The following MYH9 variants were observed in gnomAD, a reference collection of about 807,000 sequenced individuals.
The protein encoded by MYH9 is myosin-9.
Under a neutral mutation model 241.9 loss-of-function variants are expected in MYH9, and 29 were observed. The observed-to-expected ratio is 0.12, with a 90% confidence interval of 0.09 to 0.16. The LOEUF (loss-of-function observed/expected upper bound fraction) is 0.16. Among genes scored for constraint, MYH9 ranks in the 10% least tolerant of loss-of-function variants. MYH9 has a pLI of 1.00. For synonymous variants in MYH9, 1,047 were observed against 1,062.6 expected (o/e 0.99, Z 0.29); for missense variants, 1,803 against 2,595.5 (o/e 0.69, Z 6.63).
chr22:36,301,487 C>A (rs746402018), intron 21 of MYH9, 47 bp downstream of exon 21: 76 of 1,609,498 alleles, frequency 4.7e-5, no homozygotes, highest in African/African-American at 1.3e-5. Flanking sequence ...CAGGTGGCAG[C>A]ACCAGGCAGG....
chr22:36,314,181 G>A lies in MYH9; in HGVS notation c.1518C>T (p.Leu506=), dbSNP rs745614690. ...GIEWNFIDFG[L]DLQPCIDLIE... is the part of the protein sequence containing the mutation. ...TGAGGTCGATGCAGGGCTGCAGGTC[G>A]AGGCCAAAGTCGATGAAGTTCCACT... is the stretch of plus-strand genomic sequence containing the variant. Residue 506 remains leucine, a synonymous_variant, in exon 13 of 41, where the codon CTC becomes CTT. Coordinates refer to ENST00000216181, the MANE Select transcript of MYH9 (RefSeq NM_002473.6). 12 of 1,614,138 alleles carry A rather than the reference G, an allele frequency of 7.4e-6. No individual in the cohort carries two copies. Among genetic ancestry groups the A allele is most frequent in the South Asian group, 4.4e-5 (4 of 91,092 alleles).
At chr22:36,321,986 C>T (rs545118096) in intron 6 of MYH9, 165 bp from the exon 7 acceptor site, 227 of 694,918 alleles carry the variant, frequency 3.3e-4, no homozygotes, top group Non-Finnish European at 5.4e-4. Context: ...CCTACGCCCA[C>T]ACCACACGGG....
chr22:36,369,505 G>C (rs774214706), intron 1 of MYH9, among the ~76,000 whole-genome samples: 1 of 152,132 alleles, frequency 6.6e-6, no homozygotes, highest in Non-Finnish European at 1.5e-5. Context: ...CCATTCTTCA[G>C]AGGGAGGACA....
chr22:36,294,967 C>G lies in MYH9; in HGVS notation c.3595G>C (p.Glu1199Gln). The G allele has an allele frequency of 6.2e-7, 1 of 1,614,138 alleles. No homozygotes were observed. Among genetic ancestry groups the G allele is most frequent in the Non-Finnish European group, 8.5e-7 (1 of 1,180,038 alleles). Residue 1199 changes from glutamate to glutamine, a missense_variant, in exon 27 of 41, where the codon GAG becomes CAG. Around this residue, in one of 11 missense-constraint regions of MYH9, gnomAD observed 876 missense variants for 1,077.8 expected, o/e 0.81. Transcript: ENST00000216181. ...EMRQKHSQAV[E>Q]ELAEQLEQTK... ...TGCTCCAGCTGCTCCGCCAGCTCCT[C>G]CACGGCCTGTGAGTGCTTCTGCCTC...
chr22:36,326,979 G>C (rs972552802), intron 4 of MYH9, among the ~76,000 whole-genome samples: 4 of 152,210 alleles, frequency 2.6e-5, no homozygotes, highest in African/African-American at 9.6e-5. Context: ...AAAGGCACTT[G>C]TACATGTTCC....
chr22:36,327,475 T>C lies in MYH9; in HGVS notation c.504A>G (p.Gln168=), dbSNP rs760974197. Residue 168 remains glutamine, a synonymous_variant, in exon 4 of 41, where the codon CAA becomes CAG. Transcript: ENST00000216181. The part of the protein sequence containing the change: ...YRSMMQDRED[Q]SILCTGESGA... ...GAAATACTTACGTGCACAAGATGGA[T>C]TGATCTTCTCGGTCTGAAACAAAGA... 2.1e-5 allele frequency: 34 copies of C among 1,613,936 alleles called. 1 individual carries two copies. In the Admixed American group the frequency reaches 4.3e-4, roughly 21 times the overall value.
In MYH9 at chr22:36,293,941, A is replaced by C. The variant is rs2016747588; in HGVS notation, c.3838-78T>G. On this transcript the variant is annotated intron_variant, in intron 28 of 40. Coordinates refer to ENST00000216181, the MANE Select transcript of MYH9 (RefSeq NM_002473.6). The surrounding 1 kb of genome is among the most constrained non-coding windows in gnomAD (Gnocchi z 5.1). ...GCCCCACCTCATCTCCTTTAGGTAA[A>C]GCTGGACCTGAGTCACAAGCTGAAC... The C allele has an allele frequency of 1.4e-6, 2 of 1,479,032 alleles. No homozygotes were observed. The highest frequency in any genetic ancestry group is 1.9e-6 in the Non-Finnish European group (2 of 1,075,698). The allele number at this position is 1,479,032 out of a possible 1,614,324, so 91.6% of individuals were successfully genotyped here.
intron 27 of MYH9, among the ~76,000 whole-genome samples, chr22:36,294,569 G>A (rs1435373109): frequency 2.0e-5 from 3 of 152,196 alleles, no homozygotes; most frequent in African/African-American, 7.2e-5. Flanking sequence ...TCTGCCCTGG[G>A]TAGAGGCCAG....
rs187030014 is a variant in MYH9 at position 36,332,791 on chromosome 22, C to T, written c.491-5303G>A. On this transcript the variant is annotated intron_variant, in intron 3 of 40. Transcript: ENST00000216181. ...GCATTAGGAAAACACAGGTAAGTTC[C>T]CAGCACACAGGCAAATCTGCCAGAA... Among the ~76,000 whole-genome samples the T allele has an allele frequency of 6.4e-4, 97 of 151,816 alleles. No individual in the cohort carries two copies. In the Middle Eastern group the frequency reaches 0.024, roughly 38 times the overall value.
rs1178168753 is a variant in MYH9, at chr22:36,281,826, C to A, written c.*842G>T. On this transcript the variant is annotated 3_prime_UTR_variant, in exon 41 of 41. Coordinates refer to ENST00000216181, the MANE Select transcript of MYH9 (RefSeq NM_002473.6). The stretch of plus-strand genomic sequence containing the variant: ...CTGGGAGGGCCGCTGGCCCCTCTAA[C>A]GCTCTGGCTGTCAGACTTGGGACAA... The A allele has an allele frequency of 1.3e-5, 3 of 231,184 alleles. No homozygotes were observed. Among genetic ancestry groups the A allele is most frequent in the Non-Finnish European group, 1.7e-5 (2 of 116,472 alleles). The allele number at this position is 231,184 out of a possible 1,614,324, so 14.3% of individuals were successfully genotyped here.
intron 1 of MYH9, among the ~76,000 whole-genome samples, chr22:36,374,066 A>AT (rs111444165): frequency 0.033 from 4,729 of 143,290 alleles, 75 homozygotes; most frequent in Admixed American, 0.041. Flanking sequence ...CCCCCACCTT[A>AT]TTTTTTTTTT....
chr22:36,358,312 GC>G (rs1218106665), intron 1 of MYH9, among the ~76,000 whole-genome samples: 2 of 152,100 alleles, frequency 1.3e-5, no homozygotes, highest in African/African-American at 4.8e-5. Flanking sequence ...CAATCCGCCC[GC>G]CTTGGCCTCC....
intron 40 of MYH9, 115 bp downstream of exon 40, chr22:36,283,978 T>G: frequency 6.2e-6 from 8 of 1,282,164 alleles, no homozygotes; most frequent in African/African-American, 2.9e-5. Flanking sequence ...AGGGATTGCT[T>G]TGTGCAGTCC....
At chr22:36,318,876 G>A (rs2017203829) in intron 10 of MYH9, among the ~76,000 whole-genome samples, 1 of 151,918 alleles carries the variant, frequency 6.6e-6, no homozygotes, top group Admixed American at 6.6e-5. Flanking sequence ...CAATTCTCCT[G>A]CCTCAACCTC....
intron 2 of MYH9, among the ~76,000 whole-genome samples, chr22:36,342,415 G>C (rs981994369): frequency 6.6e-6 from 1 of 152,116 alleles, no homozygotes; most frequent in African/African-American, 2.4e-5. Flanking sequence ...AGCACAGCAC[G>C]CAGCATAGCC....
chr22:36,291,052 A>G (rs2016689708), intron 31 of MYH9, among the ~76,000 whole-genome samples: 1 of 145,036 alleles, frequency 6.9e-6, no homozygotes, highest in Non-Finnish European at 1.5e-5. Context: ...TCCGGGAGGG[A>G]GGTGGGGGGG....
intron 12 of MYH9, among the ~76,000 whole-genome samples, chr22:36,314,598 T>G (rs1226290372): frequency 6.6e-6 from 1 of 152,216 alleles, no homozygotes; most frequent in Non-Finnish European, 1.5e-5. Flanking sequence ...AGTAGTTATT[T>G]TGAAATATAA....
chr22:36,287,266 T>C (rs2016601534), intron 34 of MYH9, among the ~76,000 whole-genome samples: 1 of 152,184 alleles, frequency 6.6e-6, no homozygotes, highest in East Asian at 1.9e-4. Flanking sequence ...CTTTGTCAAA[T>C]AGCCTTTTTT....
intron 12 of MYH9, among the ~76,000 whole-genome samples, chr22:36,316,291 C>A (rs183442695): frequency 1.0e-3 from 151 of 151,426 alleles, no homozygotes; most frequent in African/African-American, 3.6e-3. Flanking sequence ...GCCTTGGCCT[C>A]CCAAAGTGCT....
Sources: allele counts gnomAD v4.1 joint callset (sites outside exome capture counted in the v4.1 genomes callset), GRCh38; gene constraint gnomAD v4.1.1; regional missense constraint gnomAD v4.1.1; non-coding constraint Gnocchi (gnomAD v3.1); transcripts MANE v1.5; gene names NCBI Gene and HGNC (gene_info 2026-07-23, HGNC 2026-07-21).